The following ENPEP variants were observed in gnomAD, a reference collection of about 807,000 sequenced individuals.
ENPEP encodes the protein AP-A.
ENPEP carries 103 observed loss-of-function variants against 114.5 expected under a neutral mutation model. The observed-to-expected ratio is 0.90, with a 90% CI of 0.77 to 1.06. The LOEUF is 1.06. Ranked by LOEUF, ENPEP falls within the 50% of genes least tolerant of loss-of-function variation. ENPEP has a pLI of 0.00. For synonymous variants in ENPEP, 420 were observed against 422.0 expected (o/e 1.00, Z 0.06); for missense variants, 1,196 against 1,161.3 (o/e 1.03, Z -0.43).
intron 1 of ENPEP, among the ~76,000 whole-genome samples, chr4:110,481,312 C>T (rs1016057964): frequency 1.4e-4 from 21 of 151,418 alleles, no homozygotes; most frequent in Admixed American, 8.5e-4. Flanking sequence ...CTGGCTTGAA[C>T]TCATGAGTTC....
At chr4:110,556,831 A>G (rs1170490158) in intron 18 of ENPEP, among the ~76,000 whole-genome samples, 1 of 152,142 alleles carries the variant, frequency 6.6e-6, no homozygotes, top group Non-Finnish European at 1.5e-5. Flanking sequence ...TTTAAATTAC[A>G]TTTCTTCCAT....
At chr4:110,523,474 T>C (rs894931172) in intron 10 of ENPEP, among the ~76,000 whole-genome samples, 4 of 152,154 alleles carry the variant, frequency 2.6e-5, no homozygotes, top group African/African-American at 9.7e-5. Flanking sequence ...TGATACAGTA[T>C]AAGAAAAGGC....
chr4:110,557,079 A>C (rs1190785380), intron 18 of ENPEP, among the ~76,000 whole-genome samples: 1 of 152,204 alleles, frequency 6.6e-6, no homozygotes, highest in Non-Finnish European at 1.5e-5. Flanking sequence ...ATGGAATCTA[A>C]ACTACATAAA....
chr4:110,498,317 G>T (rs891295524), intron 3 of ENPEP, among the ~76,000 whole-genome samples: 6 of 150,848 alleles, frequency 4.0e-5, no homozygotes, highest in African/African-American at 1.5e-4. Flanking sequence ...CATTTAAAAT[G>T]ATGTGGCTCT....
chr4:110,515,543 A>G, intron 8 of ENPEP, 101 bp downstream of exon 8: 1 of 974,994 alleles, frequency 1.0e-6, no homozygotes, highest in Non-Finnish European at 1.6e-6. Context: ...TTCCTTTTTA[A>G]TCTCTTTACT....
intron 19 of ENPEP, 139 bp from the exon 20 acceptor site, chr4:110,561,267 C>T (rs918621863): frequency 7.2e-5 from 61 of 852,182 alleles, no homozygotes; most frequent in Admixed American, 1.1e-4. Context: ...CTGAATGATG[C>T]GCCAGAGGTG....
At chr4:110,537,644 C>A (rs986523939) in intron 11 of ENPEP, among the ~76,000 whole-genome samples, 5 of 152,200 alleles carry the variant, frequency 3.3e-5, no homozygotes, top group Admixed American at 6.5e-5. Context: ...TCTTATGAAT[C>A]ATGAATGTTC....
intron 1 of ENPEP, among the ~76,000 whole-genome samples, chr4:110,486,830 C>T (rs1215909576): frequency 6.6e-6 from 1 of 152,162 alleles, no homozygotes; most frequent in Admixed American, 6.5e-5. Context: ...GAGTAATTCA[C>T]ACAGATCCGG....
Position 110,477,058 on chromosome 4 carries a change from A to G in ENPEP, c.644A>G (p.Lys215Arg). 4.4e-6 allele frequency: 7 copies of G among 1,608,024 alleles called. No individual in the cohort carries two copies. Among genetic ancestry groups the G allele is most frequent in the Non-Finnish European group, 6.0e-6 (7 of 1,176,172 alleles). The change falls in exon 1 of 20, where the codon AAG becomes AGG. Residue 215 changes from lysine (K) to arginine (R), a missense_variant and splice_region_variant. Lys to Arg is a conservative substitution (Grantham distance 26, BLOSUM62 2). Transcript: ENST00000265162. Reference sequence around the variant, plus strand: ...ACCTACACGGAGAACGGACAAGTCAAGTAAATATTAATTTTTGCTTTACCT... The same window carrying G: ...ACCTACACGGAGAACGGACAAGTCAGGTAAATATTAATTTTTGCTTTACCT... ...RTTYTENGQV[K>R]SIVATDHEPT...
At chr4:110,490,984 A>G in intron 2 of ENPEP, 49 bp from the exon 3 acceptor site, 1 of 1,577,396 alleles carries the variant, frequency 6.3e-7, no homozygotes, top group South Asian at 1.2e-5. Flanking sequence ...TCTTGCATAT[A>G]TATGATTGAT....
intron 3 of ENPEP, among the ~76,000 whole-genome samples, chr4:110,491,706 T>TTTTC: frequency 8.3e-6 from 1 of 120,138 alleles, no homozygotes; most frequent in East Asian, 2.9e-4. Flanking sequence ...AGTTCAATAG[T>TTTTC]TTTCTTTCTT....
intron 13 of ENPEP, among the ~76,000 whole-genome samples, chr4:110,546,886 G>C (rs1727089760): frequency 6.6e-6 from 1 of 152,006 alleles, no homozygotes. Context: ...AGACAGCTGG[G>C]AACTTTATGC....
At chr4:110,546,421 G>T (rs1727061325) in intron 13 of ENPEP, among the ~76,000 whole-genome samples, 1 of 151,854 alleles carries the variant, frequency 6.6e-6, no homozygotes, top group Non-Finnish European at 1.5e-5. Context: ...AGCCAGGAGA[G>T]GGTGGGTAAT....
intron 11 of ENPEP, among the ~76,000 whole-genome samples, chr4:110,532,536 G>A (rs1277908046): frequency 6.6e-6 from 1 of 151,626 alleles, no homozygotes; most frequent in Non-Finnish European, 1.5e-5. Context: ...TCCACCTTTT[G>A]TCTGTTATGA....
At chr4:110,512,953 TTC>T (rs1725631754) in intron 6 of ENPEP, 1 of 153,042 alleles carries the variant, frequency 6.5e-6, no homozygotes, top group Non-Finnish European at 1.5e-5. Flanking sequence ...TGCCAATATT[TTC>T]TTTCATTAAT....
rs144014315 is a variant in ENPEP, at chr4:110,482,381, C to T, written c.644+5323C>T. Among the ~76,000 whole-genome samples, 409 of 152,208 alleles carry T rather than the reference C, an allele frequency of 2.7e-3. 4 individuals are homozygous for T. Among genetic ancestry groups the T allele is most frequent in the Middle Eastern group, 6.8e-3 (2 of 294 alleles). On this transcript the variant is annotated intron_variant, in intron 1 of 19. Transcript: ENST00000265162. ...GATATTGGAAATAGGTGGGAAGTAG[C>T]CAGGTTAGAAGGGAAGGTCGTAAGT...
chr4:110,482,819 G>T (rs2110332076), intron 1 of ENPEP, among the ~76,000 whole-genome samples: 1 of 152,166 alleles, frequency 6.6e-6, no homozygotes, highest in Admixed American at 6.5e-5. Flanking sequence ...GAGCAGCCTG[G>T]CTAACATGGT....
At position 110,559,702 on chromosome 4, in the gene ENPEP, A is replaced by G; in HGVS notation, c.2698A>G (p.Asn900Asp). ...GRIVTIAEPFNTELQLWQMES... is the reference protein window; with the variant it reads ...GRIVTIAEPFDTELQLWQMES... ...AATTGTCACAATAGCAGAGCCATTC[A>G]ACACTGAACTGCAACTGTGGCAGGT... Residue 900 changes from asparagine (N) to aspartate (D), a missense_variant, in exon 19 of 20, where the codon AAC (asparagine) becomes GAC (aspartate). Asn to Asp is a conservative substitution (Grantham distance 23). Transcript: ENST00000265162. The G allele has an allele frequency of 6.2e-7, 1 of 1,613,856 alleles. No individual in the cohort carries two copies. Among genetic ancestry groups the G allele is most frequent in the South Asian group, 1.1e-5 (1 of 91,066 alleles).
At chr4:110,511,189 C>G (rs141860092) in intron 6 of ENPEP, among the ~76,000 whole-genome samples, 1 of 152,306 alleles carries the variant, frequency 6.6e-6, no homozygotes, top group African/African-American at 2.4e-5. Flanking sequence ...GAAGCCCTTA[C>G]AGTTTCTGTA....
Sources: gnomAD v4.1 joint callset for allele counts (sites outside exome capture counted in the v4.1 genomes callset) on GRCh38, gnomAD v4.1.1 for gene constraint, MANE v1.5 for transcripts, NCBI Gene and HGNC (gene_info 2026-07-23, HGNC 2026-07-21) for gene names.